NHS: variants seen among roughly 807,000 people sequenced by gnomAD.
NHS encodes the protein NHS actin remodeling regulator.
A neutral mutation model predicts 72.5 loss-of-function variants in NHS; 5 were observed. The observed-to-expected ratio is 0.07, with a 90% confidence interval of 0.04 to 0.14. The LOEUF (loss-of-function observed/expected upper bound fraction) is 0.14. NHS is among the 10% of genes least tolerant of loss of function. The pLI is 1.00. For synonymous variants in NHS, 464 were observed against 547.7 expected (o/e 0.85, Z 2.13); for missense variants, 1,072 against 1,355.7 (o/e 0.79, Z 3.29).
intron 1 of NHS, among the ~76,000 whole-genome samples, chrX:17,514,434 G>A (rs1435668641): frequency 8.9e-6 from 1 of 112,203 alleles, no homozygotes; most frequent in Non-Finnish European, 1.9e-5. Flanking sequence ...CAGACTCCAA[G>A]CTCTTCAGCT....
Position 17,725,767 on chromosome X carries a change from C to T in NHS, c.1661C>T (p.Ala554Val). Residue 554 changes from alanine (A) to valine (V), a missense_variant, in exon 7 of 9, where the codon GCC becomes GTC. Coordinates refer to ENST00000676302, the MANE Select transcript of NHS (RefSeq NM_001291867.2). The part of the protein sequence containing the change: ...DFSEAPSSPS[A>V]QDHQPTLGLA... Reference sequence around the variant, plus strand: ...AGTGAGGCTCCAAGCAGCCCGAGTGCCCAGGACCACCAGCCTACTTTGGGC... The same window carrying T: ...AGTGAGGCTCCAAGCAGCCCGAGTGTCCAGGACCACCAGCCTACTTTGGGC... The T allele has an allele frequency of 8.3e-7, 1 of 1,211,495 alleles. No individual in the cohort carries two copies. Among genetic ancestry groups the T allele is most frequent in the Non-Finnish European group, 1.1e-6 (1 of 895,461 alleles).
At chrX:17,548,457 A>G (rs1431016448) in intron 1 of NHS, among the ~76,000 whole-genome samples, 1 of 111,114 alleles carries the variant, frequency 9.0e-6, no homozygotes, top group Non-Finnish European at 1.9e-5. Flanking sequence ...TGGGGGTAGT[A>G]ACATAGTAGA....
At chrX:17,691,507 C>T (rs925016573) in intron 2 of NHS, among the ~76,000 whole-genome samples, 2 of 111,871 alleles carry the variant, frequency 1.8e-5, no homozygotes, top group East Asian at 5.6e-4. Context: ...AATACTATCA[C>T]ATCTTCTAGA....
At chrX:17,430,345 TTC>T (rs1193703074) in intron 1 of NHS, among the ~76,000 whole-genome samples, 4 of 96,259 alleles carry the variant, frequency 4.2e-5, no homozygotes, top group African/African-American at 1.5e-4. Context: ...TTCTCTTTCT[TTC>T]TTTCTTTTTC....
chrX:17,489,914 T>C (rs2064983086), intron 1 of NHS, among the ~76,000 whole-genome samples: 1 of 112,503 alleles, frequency 8.9e-6, no homozygotes, highest in Non-Finnish European at 1.9e-5. Flanking sequence ...TTGTTGGCCG[T>C]ATAAATGTCT....
chrX:17,399,630 G>A (rs919692004), intron 1 of NHS, among the ~76,000 whole-genome samples: 2 of 111,332 alleles, frequency 1.8e-5, no homozygotes, highest in Admixed American at 9.6e-5. Context: ...TGACTCTTAC[G>A]TATCATGCAC....
At chrX:17,602,404 A>G (rs375139781) in intron 1 of NHS, among the ~76,000 whole-genome samples, 14 of 111,494 alleles carry the variant, frequency 1.3e-4, no homozygotes, top group African/African-American at 2.9e-4. Context: ...ATAACTGACA[A>G]TGTTTCCTAC....
At chrX:17,460,412 A>G (rs955940661) in intron 1 of NHS, among the ~76,000 whole-genome samples, 9 of 111,724 alleles carry the variant, frequency 8.1e-5, no homozygotes, top group African/African-American at 2.9e-4. Flanking sequence ...CACATGTTAC[A>G]TTGCTGCAGG....
At chrX:17,654,277 G>A (rs2065943177) in intron 1 of NHS, among the ~76,000 whole-genome samples, 1 of 110,963 alleles carries the variant, frequency 9.0e-6, no homozygotes, top group Non-Finnish European at 1.9e-5. Flanking sequence ...AAACCTTGGG[G>A]TGCATGGCTG....
intron 1 of NHS, among the ~76,000 whole-genome samples, chrX:17,430,275 CTTTCTT>C (rs1186308630): frequency 7.6e-5 from 5 of 65,929 alleles, no homozygotes; most frequent in Non-Finnish European, 1.3e-4. Flanking sequence ...TTCTTTCTTT[CTTTCTT>C]TCTTTCTTTC....
chrX:17,509,204 G>GT (rs2065073846), intron 1 of NHS, among the ~76,000 whole-genome samples: 1 of 76,434 alleles, frequency 1.3e-5, no homozygotes, highest in African/African-American at 5.5e-5. Context: ...ATAGTTACAA[G>GT]TAATTTATTT....
At chrX:17,589,549 G>A (rs1465936233) in intron 1 of NHS, among the ~76,000 whole-genome samples, 1 of 111,923 alleles carries the variant, frequency 8.9e-6, no homozygotes, top group Admixed American at 9.5e-5. Flanking sequence ...ATGTATGTGT[G>A]TATGTGGGTA....
At chrX:17,405,437 A>T (rs997713970) in intron 1 of NHS, among the ~76,000 whole-genome samples, 1 of 111,520 alleles carries the variant, frequency 9.0e-6, no homozygotes, top group African/African-American at 3.3e-5. Flanking sequence ...TCTAGGTTTC[A>T]TCTTGATTCT....
intron 1 of NHS, among the ~76,000 whole-genome samples, chrX:17,539,503 A>G (rs2065252063): frequency 1.8e-5 from 2 of 110,589 alleles, no homozygotes; most frequent in Non-Finnish European, 3.8e-5. Flanking sequence ...GGCACATAGT[A>G]GATGCTAAAC....
chrX:17,449,637 T>C (rs2064797314), intron 1 of NHS, among the ~76,000 whole-genome samples: 2 of 111,951 alleles, frequency 1.8e-5, no homozygotes, highest in Admixed American at 1.9e-4. Flanking sequence ...AATTGACTTG[T>C]GCCACTATTG....
At chrX:17,636,252 A>G (rs1042748254) in intron 1 of NHS, among the ~76,000 whole-genome samples, 7 of 112,314 alleles carry the variant, frequency 6.2e-5, no homozygotes, top group Non-Finnish European at 1.3e-4. Flanking sequence ...TACATCTTCA[A>G]TGGCCTTACA....
chrX:17,592,431 G>A (rs2065607150), intron 1 of NHS, among the ~76,000 whole-genome samples: 1 of 111,889 alleles, frequency 8.9e-6, no homozygotes, highest in East Asian at 2.8e-4. Flanking sequence ...TAATTAAGGG[G>A]AAGAAAAGGA....
chrX:17,507,655 C>T (rs2065065540), intron 1 of NHS, among the ~76,000 whole-genome samples: 1 of 112,134 alleles, frequency 8.9e-6, no homozygotes, highest in Admixed American at 9.5e-5. Flanking sequence ...CCCCTCTCAC[C>T]ATTGTTTACC....
At chrX:17,489,495 TG>T (rs2064981048) in intron 1 of NHS, among the ~76,000 whole-genome samples, 2 of 111,515 alleles carry the variant, frequency 1.8e-5, no homozygotes, top group Non-Finnish European at 3.8e-5. Context: ...TTGTTGTTGT[TG>T]TTGTTGTTTG....
Sources: gnomAD v4.1 joint callset for allele counts (sites outside exome capture counted in the v4.1 genomes callset) on GRCh38, gnomAD v4.1.1 for gene constraint, MANE v1.5 for transcripts, NCBI Gene and HGNC (gene_info 2026-07-23, HGNC 2026-07-21) for gene names.